Variants in DRC1 observed in about 807,000 individuals in gnomAD.
The protein encoded by DRC1 is dynein regulatory complex subunit 1.
Under a neutral mutation model 98.7 loss-of-function variants are expected in DRC1, and 74 were observed. That is an observed-to-expected ratio of 0.75 (90% CI 0.62 to 0.91). The LOEUF (loss-of-function observed/expected upper bound fraction) is 0.91. DRC1 is among the 40% of genes least tolerant of loss of function. The probability of loss-of-function intolerance (pLI) is 0.00; values close to 1 mark genes in which losing one functional copy is unlikely to be tolerated. For missense variants in DRC1, 875 were observed against 886.0 expected (o/e 0.99, Z 0.16); for synonymous variants, 336 against 334.1 (o/e 1.01, Z -0.06).
At chr2:26,414,549 T>C in intron 2 of DRC1, 118 bp downstream of exon 2, 1 of 869,524 alleles carries the variant, frequency 1.2e-6, no homozygotes, top group South Asian at 1.8e-5. Flanking sequence ...TAGGCAGAAC[T>C]GAATAGAATC....
chr2:26,423,535 G>A (rs1013232233), intron 3 of DRC1, among the ~76,000 whole-genome samples: 1 of 152,092 alleles, frequency 6.6e-6, no homozygotes, highest in Non-Finnish European at 1.5e-5. Context: ...CCCCAGCCTC[G>A]GTGTGCTCTA....
chr2:26,421,395 T>C lies in DRC1; in HGVS notation c.351T>C (p.Arg117=). Residue 117 remains arginine, a synonymous_variant, in exon 3 of 17, where the codon CGT becomes CGC. Transcript: ENST00000288710. ...HRRVEEEEIK[R]QRIEKLENEV... is the part of the protein sequence containing the mutation. ...GAGTCGAAGAAGAGGAGATAAAGCG[T>C]CAAAGGTAAGGACTGTGCTACTCTG... is the stretch of plus-strand genomic sequence containing the variant. The C allele has an allele frequency of 6.2e-7, 1 of 1,612,642 alleles. No individual in the cohort carries two copies. The highest frequency in any genetic ancestry group is 8.5e-7 in the Non-Finnish European group (1 of 1,179,086).
intron 1 of DRC1, among the ~76,000 whole-genome samples, chr2:26,413,118 A>G (rs1029637105): frequency 1.3e-5 from 2 of 152,220 alleles, no homozygotes; most frequent in African/African-American, 4.8e-5. Context: ...ATTATAGTCT[A>G]CATATTTTTC....
At chr2:26,455,907 C>T (rs1476134694) in intron 16 of DRC1, among the ~76,000 whole-genome samples, 1 of 148,542 alleles carries the variant, frequency 6.7e-6, no homozygotes, top group Non-Finnish European at 1.5e-5. Context: ...GGCTGTAGGC[C>T]AGGAAGGTCG....
chr2:26,409,993 C>A (rs945531093), intron 1 of DRC1, among the ~76,000 whole-genome samples: 1 of 151,134 alleles, frequency 6.6e-6, no homozygotes, highest in South Asian at 2.1e-4. Flanking sequence ...CATTCAGATC[C>A]TCAGAGAGAG....
chr2:26,427,700 A>G (rs755527221), intron 4 of DRC1, among the ~76,000 whole-genome samples: 7 of 151,946 alleles, frequency 4.6e-5, no homozygotes, highest in Non-Finnish European at 8.8e-5. Context: ...CCTATTAACC[A>G]TCCCCATTCC....
In DRC1 at chr2:26,448,974, G is replaced by A. The variant is rs530454664; in HGVS notation, c.1509+171G>A. ...AGGATGGCCCCTGGACTTCAGGGCCGGTTCATAGAGGCCTTGCCTCTGAGC... is the reference window on the plus strand; with the variant it reads ...AGGATGGCCCCTGGACTTCAGGGCCAGTTCATAGAGGCCTTGCCTCTGAGC... On this transcript the variant is annotated intron_variant, in intron 11 of 16. Coordinates refer to ENST00000288710, the MANE Select transcript of DRC1 (RefSeq NM_145038.5). Among the ~76,000 whole-genome samples, 10 of 152,372 alleles carry A rather than the reference G, an allele frequency of 6.6e-5. No homozygotes were observed. The South Asian group carries it at 1.2e-3, about 19-fold the overall frequency.
rs1310584322 is a variant in DRC1, at chr2:26,456,668, G to A, written c.*151G>A. The A allele has an allele frequency of 1.2e-6, 1 of 809,718 alleles. No individual in the cohort carries two copies. The highest frequency in any genetic ancestry group is 2.0e-6 in the Non-Finnish European group (1 of 506,546). The allele number at this position is 809,718 out of a possible 1,614,324, so 50.2% of individuals were successfully genotyped here. A position where few individuals can be genotyped will look rare whatever the true frequency, so the allele number is the denominator to read the frequency against. On this transcript the variant is annotated 3_prime_UTR_variant, in exon 17 of 17. Transcript: ENST00000288710. ...AGCCTGTCGAAATAAGGAGCCAGAGGAGTTACCTGTGTCCTGCATTATGAT... is the reference window on the plus strand; with the variant it reads ...AGCCTGTCGAAATAAGGAGCCAGAGAAGTTACCTGTGTCCTGCATTATGAT...
At chr2:26,437,288 G>GT (rs1663598071) in intron 7 of DRC1, among the ~76,000 whole-genome samples, 1 of 152,194 alleles carries the variant, frequency 6.6e-6, no homozygotes, top group Non-Finnish European at 1.5e-5. Context: ...ATTGAAATGA[G>GT]GCTGTGCTGT....
At chr2:26,438,878 G>T (rs2147996876) in intron 7 of DRC1, among the ~76,000 whole-genome samples, 1 of 152,240 alleles carries the variant, frequency 6.6e-6, no homozygotes, top group East Asian at 1.9e-4. Flanking sequence ...CCACTTGATT[G>T]CCTTCCCCAT....
At chr2:26,453,207 TG>T in intron 13 of DRC1, 112 bp from the exon 14 acceptor site, 1 of 1,291,310 alleles carries the variant, frequency 7.7e-7, no homozygotes, top group Non-Finnish European at 1.1e-6. Flanking sequence ...AATGTCTCCC[TG>T]GGCAAGCTGT....
At position 26,444,626 on chromosome 2, in the gene DRC1, C is replaced by T. The variant is rs141897581; in HGVS notation, c.1164-90C>T. On this transcript the variant is annotated intron_variant, in intron 9 of 16. Transcript: ENST00000288710. The stretch of plus-strand genomic sequence containing the variant: ...GCCAGGCCCAGGAATTAGCACAGCT[C>T]CTTTTCATATTCCTGCCCTGCTGCT... 2.6e-5 allele frequency: 33 copies of T among 1,282,484 alleles called. No individual in the cohort carries two copies. In the East Asian group the frequency reaches 7.6e-4, roughly 30 times the overall value. The allele number at this position is 1,282,484 out of a possible 1,614,324, so 79.4% of individuals were successfully genotyped here.
At chr2:26,422,329 C>G (rs1014278996) in intron 3 of DRC1, among the ~76,000 whole-genome samples, 1 of 152,134 alleles carries the variant, frequency 6.6e-6, no homozygotes, top group African/African-American at 2.4e-5. Flanking sequence ...CCACGAATAC[C>G]TCAGTGTTAT....
At chr2:26,410,773 CTG>C (rs1678581703) in intron 1 of DRC1, among the ~76,000 whole-genome samples, 1 of 151,992 alleles carries the variant, frequency 6.6e-6, no homozygotes, top group Non-Finnish European at 1.5e-5. Flanking sequence ...GTTCAGAACA[CTG>C]AGAATAAAGA....
At chr2:26,426,287 A>G (rs1175651867) in intron 4 of DRC1, among the ~76,000 whole-genome samples, 3 of 151,770 alleles carry the variant, frequency 2.0e-5, no homozygotes, top group Non-Finnish European at 4.4e-5. Context: ...TGGGCTCTCT[A>G]GTTCCCTTGG....
At chr2:26,430,420 A>T in intron 5 of DRC1, 1 of 442,136 alleles carries the variant, frequency 2.3e-6, no homozygotes, top group Non-Finnish European at 4.7e-6. Flanking sequence ...GCTTCATGGG[A>T]TCCCCAACCA....
In DRC1 at chr2:26,454,550, G is replaced by A. The variant is rs1227079658; in HGVS notation, c.1920-97G>A. On this transcript the variant is annotated intron_variant, in intron 14 of 16. Transcript: ENST00000288710. This position sits in a 1 kb window ranked among gnomAD's most constrained non-coding sequence, Gnocchi z 5.2. ...TAAACTTGGACTGCTGAGTGGGAAGGTGACAGGTGGGAAAGCAGTAGGCCT... is the reference window on the plus strand; with the variant it reads ...TAAACTTGGACTGCTGAGTGGGAAGATGACAGGTGGGAAAGCAGTAGGCCT... 5 of 1,532,034 alleles carry A rather than the reference G, an allele frequency of 3.3e-6. No homozygotes were observed. Among genetic ancestry groups the A allele is most frequent in the Admixed American group, 1.8e-5 (1 of 54,532 alleles). The allele number at this position is 1,532,034 out of a possible 1,614,324, so 94.9% of individuals were successfully genotyped here. A position where few individuals can be genotyped will look rare whatever the true frequency, so the allele number is the denominator to read the frequency against.
chr2:26,422,785 C>A (rs1467966410), intron 3 of DRC1, among the ~76,000 whole-genome samples: 1 of 151,930 alleles, frequency 6.6e-6, no homozygotes, highest in Non-Finnish European at 1.5e-5. Context: ...GGTGTGGTGG[C>A]GCGTGCACAC....
rs367582660 is a variant in DRC1, at chr2:26,428,372, A to G, written c.541-1256A>G. ...ACCTAGATGGTATAACCTACTACAC[A>G]CCTAGGGTATATGATATAACTAATT... On this transcript the variant is annotated intron_variant, in intron 4 of 16. Coordinates refer to ENST00000288710, the MANE Select transcript of DRC1 (RefSeq NM_145038.5). Among the ~76,000 whole-genome samples, 17 of 152,340 alleles carry G rather than the reference A, an allele frequency of 1.1e-4. No individual in the cohort carries two copies. The East Asian group carries it at 3.1e-3, about 28-fold the overall frequency.
Sources: gnomAD v4.1 joint callset for allele counts (sites outside exome capture counted in the v4.1 genomes callset) on GRCh38, gnomAD v4.1.1 for gene constraint, Gnocchi (gnomAD v3.1) non-coding constraint, MANE v1.5 for transcripts, NCBI Gene and HGNC (gene_info 2026-07-23, HGNC 2026-07-21) for gene names.